Variants in CLN6 observed in about 807,000 individuals in gnomAD.
The protein encoded by CLN6 is ceroid-lipofuscinosis neuronal protein 6.
A neutral mutation model predicts 33.3 loss-of-function variants in CLN6; 22 were observed. That is an observed-to-expected ratio of 0.66 (90% CI 0.47 to 0.94). The LOEUF (loss-of-function observed/expected upper bound fraction) is 0.94, where lower values mean the gene tolerates loss of function less well. CLN6 is among the 40% of genes least tolerant of loss of function. CLN6 has a pLI of 0.00. For missense variants in CLN6, 387 were observed against 417.1 expected (o/e 0.93, Z 0.63); for synonymous variants, 201 against 174.6 (o/e 1.15, Z -1.19).
In CLN6 at chr15:68,228,362, CTG is replaced by C. The variant is rs1219716175; in HGVS notation, c.83+1138_83+1139del. 6.6e-6 allele frequency among the ~76,000 whole-genome samples: 1 copy of C among 152,222 alleles called. No individual in the cohort carries two copies. The highest frequency in any genetic ancestry group is 1.5e-5 in the Non-Finnish European group (1 of 68,036). ...CTCCCCAGTGCCTATGGGATAAAGA[CTG>C]TGTCCTTAACCTGTCACCTAGGACA... is the stretch of plus-strand genomic sequence containing the variant. On this transcript the variant is annotated intron_variant, in intron 1 of 6. Coordinates refer to ENST00000249806, the MANE Select transcript of CLN6 (RefSeq NM_017882.3). The surrounding 1 kb of genome is among the most constrained non-coding windows in gnomAD (Gnocchi z 4.4).
At chr15:68,243,614 G>C (rs947609434) in intron 1 of CLN6, among the ~76,000 whole-genome samples, 2 of 152,058 alleles carry the variant, frequency 1.3e-5, no homozygotes, top group Non-Finnish European at 2.9e-5. Context: ...AATTAGCCAG[G>C]CATGGTGGCA....
At position 68,208,401 on chromosome 15, in the gene CLN6, G is replaced by A. The variant is rs769339144; in HGVS notation, c.675C>T (p.Val225=). Reference sequence around the variant, plus strand: ...AGAGGATGAAGATCTGGCCCTCGGTGACCAGGTACCTGGAAAGGCCAGGGG... The same window carrying A: ...AGAGGATGAAGATCTGGCCCTCGGTAACCAGGTACCTGGAAAGGCCAGGGG... ...APSGLYYWYL[V]TEGQIFILFI... The change falls in exon 7 of 7, where the codon GTC becomes GTT. Residue 225 remains valine (V), a synonymous_variant. Transcript: ENST00000249806. The surrounding 1 kb of genome is among the most constrained non-coding windows in gnomAD (Gnocchi z 5.8). 1.2e-6 allele frequency: 2 copies of A among 1,612,714 alleles called. No individual in the cohort carries two copies. Among genetic ancestry groups the A allele is most frequent in the Non-Finnish European group, 8.5e-7 (1 of 1,180,016 alleles).
chr15:68,214,787 T>C (rs2093216097), intron 2 of CLN6: 1 of 309,896 alleles, frequency 3.2e-6, no homozygotes, highest in Non-Finnish European at 6.4e-6. Flanking sequence ...CTCTGGGCCT[T>C]GGTTTCCCCA....
intron 1 of CLN6, among the ~76,000 whole-genome samples, chr15:68,253,664 T>A (rs1369122155): frequency 2.6e-5 from 4 of 152,234 alleles, no homozygotes. Context: ...TCAAAATCAC[T>A]CACAGAAAGT....
rs749478148 is a variant in CLN6 at position 68,256,791 on chromosome 15, C to G, written c.78G>C (p.Arg26Ser). 1 of 702,240 alleles carries G rather than the reference C, an allele frequency of 1.4e-6. No homozygotes were observed. Among genetic ancestry groups the G allele is most frequent in the South Asian group, 1.5e-5 (1 of 67,568 alleles). The allele number at this position is 702,240 out of a possible 1,614,324, so 43.5% of individuals were successfully genotyped here. Residue 26 changes from arginine (R) to serine (S), a missense_variant, in exon 1 of 7, where the codon AGG (arginine) becomes AGC (serine). Physicochemically the swap from Arg to Ser is moderately radical, Grantham distance 110 (BLOSUM62 -1). Coordinates refer to the CLN6 transcript ENST00000538696. This position sits in a 1 kb window ranked among gnomAD's most constrained non-coding sequence, Gnocchi z 4.1. ...GGCTCAAGCCCGCCTCGCCTCCCTC[C>G]CTCCTAGGGATGGCTCCCAGTGTCT...
intron 2 of CLN6, chr15:68,214,592 G>A (rs1419325924): frequency 7.1e-6 from 4 of 560,818 alleles, no homozygotes; most frequent in Non-Finnish European, 1.3e-5. Context: ...CTGAGTCCCA[G>A]AGGAGGTAAC....
rs567911115 is a variant in CLN6 at position 68,222,625 on chromosome 15, G to A, written c.84-3975C>T. 5.3e-5 allele frequency among the ~76,000 whole-genome samples: 8 copies of A among 152,336 alleles called. No homozygotes were observed. In the South Asian group the frequency reaches 1.2e-3, roughly 24 times the overall value. The stretch of plus-strand genomic sequence containing the variant: ...TCTGGGAGGTGTACCCAACAGCTCC[G>A]AAGAGACAGCGACCATTGAGAATGG... On this transcript the variant is annotated intron_variant, in intron 1 of 6. Transcript: ENST00000249806.
At position 68,236,851 on chromosome 15, in the gene CLN6, G is replaced by A. The variant is rs1595829060; in HGVS notation, c.180-18201C>T. 6.6e-6 allele frequency among the ~76,000 whole-genome samples: 1 copy of A among 152,204 alleles called. No homozygotes were observed. The highest frequency in any genetic ancestry group is 1.5e-5 in the Non-Finnish European group (1 of 68,032). On this transcript the variant is annotated intron_variant, in intron 1 of 6. Coordinates refer to the CLN6 transcript ENST00000538696. The surrounding 1 kb of genome is among the most constrained non-coding windows in gnomAD (Gnocchi z 4.5). ...TAGAAATTTTAGAGCTTAACAATTT[G>A]TTGACATTAAAACTGAATGGAGGCG...
At position 68,256,963 on chromosome 15, in the gene CLN6, T is replaced by C. The variant is rs1175518671; in HGVS notation, c.-95A>G. On this transcript the variant is annotated 5_prime_UTR_variant, in exon 1 of 7. Coordinates refer to the CLN6 transcript ENST00000538696. This position sits in a 1 kb window ranked among gnomAD's most constrained non-coding sequence, Gnocchi z 4.1. ...GGCAGGGTGTAGTGATGGTCACGCATCCCTTCCCTGGGCTTCTCCGGCACA... is the reference window on the plus strand; with the variant it reads ...GGCAGGGTGTAGTGATGGTCACGCACCCCTTCCCTGGGCTTCTCCGGCACA... The C allele has an allele frequency of 6.8e-6, 4 of 588,074 alleles. No individual in the cohort carries two copies. The highest frequency in any genetic ancestry group is 1.2e-5 in the Non-Finnish European group (4 of 328,282). The allele number at this position is 588,074 out of a possible 1,614,324, so 36.4% of individuals were successfully genotyped here.
At chr15:68,214,685 T>C (rs2093215878) in intron 2 of CLN6, 1 of 380,514 alleles carries the variant, frequency 2.6e-6, no homozygotes, top group Admixed American at 3.7e-5. Flanking sequence ...ACCAAATAAA[T>C]GACCCTGATG....
Position 68,211,335 on chromosome 15 carries a change from C to T in CLN6, c.487-17G>A. ...GGAGTCGATCTGAGGGAGGAACGGG[C>T]AGGGCAGAGTCGGGGGATGTCGATG... is the stretch of plus-strand genomic sequence containing the variant. On this transcript the variant is annotated splice_polypyrimidine_tract_variant and intron_variant, in intron 4 of 6. Coordinates refer to ENST00000249806, the MANE Select transcript of CLN6 (RefSeq NM_017882.3). The surrounding 1 kb of genome is among the most constrained non-coding windows in gnomAD (Gnocchi z 5.9). 1 of 1,613,784 alleles carries T rather than the reference C, an allele frequency of 6.2e-7. No homozygotes were observed. The highest frequency in any genetic ancestry group is 1.1e-5 in the South Asian group (1 of 91,078).
chr15:68,245,129 G>A (rs1181452838), intron 1 of CLN6, among the ~76,000 whole-genome samples: 1 of 151,198 alleles, frequency 6.6e-6, no homozygotes, highest in Non-Finnish European at 1.5e-5. Flanking sequence ...TTAAAGTGCA[G>A]AGGTTTTTTT....
At chr15:68,215,961 CAT>C (rs1234658264) in intron 2 of CLN6, among the ~76,000 whole-genome samples, 1 of 152,200 alleles carries the variant, frequency 6.6e-6, no homozygotes, top group Non-Finnish European at 1.5e-5. Flanking sequence ...ACATCTATGA[CAT>C]GTTACTTTTA....
intron 1 of CLN6, among the ~76,000 whole-genome samples, chr15:68,223,028 C>A (rs578031947): frequency 1.3e-5 from 2 of 152,104 alleles, no homozygotes; most frequent in East Asian, 3.9e-4. Flanking sequence ...AACCAGAGAC[C>A]TTTGTTCACG....
At position 68,211,837 on chromosome 15, in the gene CLN6, C is replaced by A. The variant is rs2093206574; in HGVS notation, c.324G>T (p.Leu108=). The part of the protein sequence containing the change: ...LKLIERSPRT[L]PRSITYVSII... ...TGCTCACGTACGTGATGGAGCGTGG[C>A]AGGGTGCGGGGGGACCGCTCGATGA... The change falls in exon 4 of 7, where the codon CTG becomes CTT. Residue 108 remains leucine, a synonymous_variant. Coordinates refer to ENST00000249806, the MANE Select transcript of CLN6 (RefSeq NM_017882.3). The surrounding 1 kb of genome is among the most constrained non-coding windows in gnomAD (Gnocchi z 5.9). The A allele has an allele frequency of 6.2e-7, 1 of 1,613,848 alleles. No homozygotes were observed. Among genetic ancestry groups the A allele is most frequent in the Non-Finnish European group, 8.5e-7 (1 of 1,180,018 alleles).
intron 2 of CLN6, chr15:68,218,138 C>A: frequency 4.1e-6 from 1 of 243,718 alleles, no homozygotes; most frequent in Non-Finnish European, 8.3e-6. Context: ...TAATACTATC[C>A]CAAGGTAATG....
Position 68,208,106 on chromosome 15 carries a change from A to AGCCCC in CLN6, c.*33_*34insGGGGC. 4 of 441,342 alleles carry AGCCCC rather than the reference A, an allele frequency of 9.1e-6. No homozygotes were observed. Among genetic ancestry groups the AGCCCC allele is most frequent in the African/African-American group, 4.5e-5 (1 of 22,060 alleles). The allele number at this position is 441,342 out of a possible 1,614,324, so 27.3% of individuals were successfully genotyped here. On this transcript the variant is annotated 3_prime_UTR_variant, in exon 7 of 7. Transcript: ENST00000249806. The surrounding 1 kb of genome is among the most constrained non-coding windows in gnomAD (Gnocchi z 5.8). ...GATGCCCTCCATGGCCCACCCTCCC[A>AGCCCC]CCCAGCAGAGCGCCAGAGCCTGGTG...
chr15:68,240,323 C>T (rs751625463), intron 1 of CLN6, among the ~76,000 whole-genome samples: 2 of 152,134 alleles, frequency 1.3e-5, no homozygotes, highest in South Asian at 2.1e-4. Context: ...CCAGGCCAGG[C>T]GCAGTGGCTC....
exon 1 of CLN6, chr15:68,257,037 T>C (rs1170254658): frequency 2.0e-6 from 1 of 504,162 alleles, no homozygotes; most frequent in African/African-American, 2.0e-5. Context: ...GCAATACCGC[T>C]GGGGGCTGCC....
Sources: allele counts gnomAD v4.1 joint callset (sites outside exome capture counted in the v4.1 genomes callset), GRCh38; gene constraint gnomAD v4.1.1; non-coding constraint Gnocchi (gnomAD v3.1); transcripts MANE v1.5; gene names NCBI Gene and HGNC (gene_info 2026-07-23, HGNC 2026-07-21).